LRRC8C: variants seen among roughly 807,000 people sequenced by gnomAD.
LRRC8C encodes the protein volume-regulated anion channel subunit LRRC8C.
Under a neutral mutation model 55.3 loss-of-function variants are expected in LRRC8C, and 20 were observed. The observed-to-expected ratio is 0.36, with a 90% CI of 0.25 to 0.53. The LOEUF is 0.53. Ranked by LOEUF, LRRC8C falls within the 20% of genes least tolerant of loss-of-function variation. The probability of loss-of-function intolerance (pLI) is 0.92; values close to 1 mark genes in which losing one functional copy is unlikely to be tolerated. For missense variants in LRRC8C, 659 were observed against 951.4 expected, an observed-to-expected ratio of 0.69 and a Z score of 4.04; for synonymous variants, 376 against 360.7, an observed-to-expected ratio of 1.04 and a Z score of -0.48.
the LRRC8C span, among the ~76,000 whole-genome samples, chr1:89,627,454 G>A: frequency 6.6e-6 from 1 of 152,118 alleles, no homozygotes; most frequent in Non-Finnish European, 1.5e-5. Flanking sequence ...TTTGCTTTCA[G>A]TTGTAAAGTG....
At chr1:89,621,362 A>G in the LRRC8C span, among the ~76,000 whole-genome samples, 3 of 151,546 alleles carry the variant, frequency 2.0e-5, no homozygotes, top group East Asian at 1.9e-4. Flanking sequence ...CCAGCTACTC[A>G]GGAGGCTGAG....
At chr1:89,623,632 G>T in the LRRC8C span, among the ~76,000 whole-genome samples, 3 of 152,274 alleles carry the variant, frequency 2.0e-5, no homozygotes, top group South Asian at 6.2e-4. Flanking sequence ...TGAGGCAAGA[G>T]AATTGCTTGA....
At chr1:89,677,440 T>C (rs1037075430) in intron 1 of LRRC8C, among the ~76,000 whole-genome samples, 8 of 152,248 alleles carry the variant, frequency 5.3e-5, no homozygotes, top group African/African-American at 1.9e-4. Context: ...TTTTCTTTTA[T>C]ATTGTCAAAT....
chr1:89,665,365 T>C (rs1657231641), intron 1 of LRRC8C, among the ~76,000 whole-genome samples: 1 of 152,252 alleles, frequency 6.6e-6, no homozygotes, highest in Admixed American at 6.5e-5. Flanking sequence ...GTTGAAGGCC[T>C]TTTCTGCATC....
chr1:89,711,491 C>T (rs943100870), intron 2 of LRRC8C, among the ~76,000 whole-genome samples: 4 of 152,192 alleles, frequency 2.6e-5, no homozygotes, highest in African/African-American at 9.7e-5. Flanking sequence ...ACTTTCCCTG[C>T]GTTATTAATT....
At position 89,659,061 on chromosome 1, in the gene LRRC8C, T is replaced by TTTGTG. The variant is rs1294718324; in HGVS notation, c.-5+25740_-5+25741insTGTGT. 1.1e-3 allele frequency among the ~76,000 whole-genome samples: 60 copies of TTTGTG among 53,982 alleles called. 3 individuals are homozygous for TTTGTG. Among genetic ancestry groups the TTTGTG allele is most frequent in the African/African-American group, 3.8e-3 (60 of 15,936 alleles). The allele number at this position is 53,982 out of a possible 152,430, so 35.4% of individuals were successfully genotyped here. A position where few individuals can be genotyped will look rare whatever the true frequency, so the allele number is the denominator to read the frequency against. On this transcript the variant is annotated intron_variant, in intron 1 of 2. Transcript: ENST00000370454. ...TGTCTTCTCCAGGTTTTTTTTTTTT[T>TTTGTG]TGTGTGTGTGTGTGTGTGTGTGTGT...
At chr1:89,655,438 A>G (rs1656916603) in intron 1 of LRRC8C, among the ~76,000 whole-genome samples, 1 of 152,116 alleles carries the variant, frequency 6.6e-6, no homozygotes, top group Non-Finnish European at 1.5e-5. Flanking sequence ...TTTCAGTTGG[A>G]GGCATTCCTC....
At chr1:89,666,845 A>G (rs959704409) in intron 1 of LRRC8C, among the ~76,000 whole-genome samples, 4 of 152,158 alleles carry the variant, frequency 2.6e-5, no homozygotes, top group Non-Finnish European at 5.9e-5. Flanking sequence ...AGTGAACAAA[A>G]CAAAGTCCCC....
chr1:89,647,039 T>C (rs1342873832), intron 1 of LRRC8C, among the ~76,000 whole-genome samples: 2 of 150,236 alleles, frequency 1.3e-5, no homozygotes, highest in African/African-American at 4.9e-5. Flanking sequence ...AACATAACAT[T>C]AATAATATTT....
At chr1:89,693,303 A>G (rs1366978468) in intron 2 of LRRC8C, among the ~76,000 whole-genome samples, 1 of 152,210 alleles carries the variant, frequency 6.6e-6, no homozygotes, top group African/African-American at 2.4e-5. Context: ...CAGCTCCATG[A>G]CAAATGACCT....
intron 1 of LRRC8C, among the ~76,000 whole-genome samples, chr1:89,636,934 A>G (rs1339398023): frequency 1.3e-5 from 2 of 152,184 alleles, no homozygotes; most frequent in African/African-American, 2.4e-5. Flanking sequence ...GCTTGGGATA[A>G]TACACAGATG....
the LRRC8C span, among the ~76,000 whole-genome samples, chr1:89,622,083 G>A: frequency 6.6e-6 from 1 of 152,074 alleles, no homozygotes; most frequent in Admixed American, 6.5e-5. Context: ...TAGCACTCTA[G>A]GGGGAAAAAA....
chr1:89,640,672 T>C (rs942759204), intron 1 of LRRC8C, among the ~76,000 whole-genome samples: 1 of 152,192 alleles, frequency 6.6e-6, no homozygotes, highest in African/African-American at 2.4e-5. Context: ...AGTGCACTGC[T>C]ATGTGGACAA....
At chr1:89,700,171 T>C (rs1353518250) in intron 2 of LRRC8C, among the ~76,000 whole-genome samples, 1 of 152,148 alleles carries the variant, frequency 6.6e-6, no homozygotes, top group Non-Finnish European at 1.5e-5. Context: ...TTTTCAGTCT[T>C]TCTCCCTCTC....
At chr1:89,622,578 C>T in the LRRC8C span, among the ~76,000 whole-genome samples, 1 of 152,078 alleles carries the variant, frequency 6.6e-6, no homozygotes, top group African/African-American at 2.4e-5. Context: ...TGCGATCCGC[C>T]CGCCTCGGCC....
At chr1:89,711,405 A>G (rs140759414) in intron 2 of LRRC8C, among the ~76,000 whole-genome samples, 3 of 152,352 alleles carry the variant, frequency 2.0e-5, no homozygotes, top group Non-Finnish European at 4.4e-5. Flanking sequence ...ATGTTGCAAA[A>G]TCACTAACCA....
intron 2 of LRRC8C, among the ~76,000 whole-genome samples, chr1:89,693,983 C>G (rs1399111375): frequency 1.3e-5 from 2 of 151,894 alleles, no homozygotes; most frequent in African/African-American, 4.8e-5. Flanking sequence ...CATGTACCCA[C>G]CTTACATCTC....
At chr1:89,688,186 T>C (rs1657932924) in intron 2 of LRRC8C, among the ~76,000 whole-genome samples, 1 of 152,278 alleles carries the variant, frequency 6.6e-6, no homozygotes, top group East Asian at 1.9e-4. Flanking sequence ...ACTGAAAATA[T>C]CTTTCCCCCT....
At chr1:89,677,167 G>A (rs1657575234) in intron 1 of LRRC8C, among the ~76,000 whole-genome samples, 1 of 147,436 alleles carries the variant, frequency 6.8e-6, no homozygotes, top group Admixed American at 6.6e-5. Context: ...AAATTGCTAG[G>A]TAGAAGTACT....
Sources: gnomAD v4.1 joint callset for allele counts (sites outside exome capture counted in the v4.1 genomes callset) on GRCh38, gnomAD v4.1.1 for gene constraint, MANE v1.5 for transcripts, NCBI Gene and HGNC (gene_info 2026-07-23, HGNC 2026-07-21) for gene names.